SYNDIG1: variants seen among roughly 807,000 people sequenced by gnomAD.
The protein encoded by SYNDIG1 is synapse differentiation-inducing gene protein 1.
A neutral mutation model predicts 19.4 loss-of-function variants in SYNDIG1; 9 were observed. The ratio of observed to expected loss-of-function variants is 0.46; its 90% CI spans 0.28 to 0.81. The LOEUF (loss-of-function observed/expected upper bound fraction) is 0.81. Ranked by LOEUF, SYNDIG1 falls within the 30% of genes least tolerant of loss-of-function variation. SYNDIG1 has a pLI of 0.12. For synonymous variants in SYNDIG1, 141 were observed against 145.9 expected (o/e 0.97, Z 0.24); for missense variants, 311 against 343.3 (o/e 0.91, Z 0.74).
Position 24,658,594 on chromosome 20 carries a change from C to G in SYNDIG1, c.619-6752C>G, listed in dbSNP as rs75279311. Among the ~76,000 whole-genome samples the G allele has an allele frequency of 2.0e-5, 3 of 151,986 alleles. No individual in the cohort carries two copies. The highest frequency in any genetic ancestry group is 2.0e-4 in the Admixed American group (3 of 15,260). On this transcript the variant is annotated intron_variant, in intron 3 of 3. Coordinates refer to ENST00000376862, the MANE Select transcript of SYNDIG1 (RefSeq NM_024893.3). This position sits in a 1 kb window ranked among gnomAD's most constrained non-coding sequence, Gnocchi z 4.4. ...CATTATCTCCACCCTGACATCGAAC[C>G]GTGTGGAGTATGACCCCCCACCCCC...
intron 2 of SYNDIG1, among the ~76,000 whole-genome samples, chr20:24,571,964 G>C (rs559843659): frequency 6.6e-6 from 1 of 152,282 alleles, no homozygotes; most frequent in South Asian, 2.1e-4. Context: ...CCAGATCACT[G>C]TATCCAGAGA....
At chr20:24,577,938 T>C (rs1432231963) in intron 2 of SYNDIG1, among the ~76,000 whole-genome samples, 1 of 152,098 alleles carries the variant, frequency 6.6e-6, no homozygotes, top group Non-Finnish European at 1.5e-5. Flanking sequence ...CAAAGGAAGG[T>C]GGAGCTGCTG....
intron 3 of SYNDIG1, among the ~76,000 whole-genome samples, chr20:24,650,902 C>T (rs1166500523): frequency 6.6e-6 from 1 of 152,068 alleles, no homozygotes; most frequent in Non-Finnish European, 1.5e-5. Context: ...GTGGTGCGAT[C>T]TCGGCTCACT....
Position 24,666,596 on chromosome 20 carries a change from A to G in SYNDIG1, c.*1092A>G, listed in dbSNP as rs565369617. 1 of 152,636 alleles carries G rather than the reference A, an allele frequency of 6.6e-6. No homozygotes were observed. The highest frequency in any genetic ancestry group is 2.1e-4 in the South Asian group (1 of 4,826). 9.5% of individuals were successfully genotyped at this position (152,636 alleles called of 1,614,324 possible). On this transcript the variant is annotated 3_prime_UTR_variant, in exon 4 of 4. Coordinates refer to ENST00000376862, the MANE Select transcript of SYNDIG1 (RefSeq NM_024893.3). The stretch of plus-strand genomic sequence containing the variant: ...AAATTATCTTTTAGCTTTTTCGCTT[A>G]AGACTTTTCTTTCTGATGAATAGCT...
chr20:24,629,824 A>T (rs1316837100), intron 3 of SYNDIG1, among the ~76,000 whole-genome samples: 1 of 152,190 alleles, frequency 6.6e-6, no homozygotes, highest in Non-Finnish European at 1.5e-5. Flanking sequence ...GGTAGACCAG[A>T]GTGAGGAGCC....
intron 2 of SYNDIG1, among the ~76,000 whole-genome samples, chr20:24,569,779 C>A (rs2058110810): frequency 6.6e-6 from 1 of 152,142 alleles, no homozygotes. Context: ...GCAACTCACT[C>A]TGACATGGAT....
At chr20:24,575,515 G>A (rs76021656) in intron 2 of SYNDIG1, among the ~76,000 whole-genome samples, 3,082 of 152,290 alleles carry the variant, frequency 0.02, 56 homozygotes, top group Middle Eastern at 0.054. Flanking sequence ...AGCGTGGTGT[G>A]CACCTCATTT....
chr20:24,488,358 C>T (rs1216769532), intron 1 of SYNDIG1, among the ~76,000 whole-genome samples: 1 of 152,242 alleles, frequency 6.6e-6, no homozygotes, highest in African/African-American at 2.4e-5. Flanking sequence ...TGCACACATA[C>T]AAAGTGCTTC....
At chr20:24,650,139 C>T (rs1034289760) in intron 3 of SYNDIG1, among the ~76,000 whole-genome samples, 3 of 152,180 alleles carry the variant, frequency 2.0e-5, no homozygotes, top group Admixed American at 2.0e-4. Context: ...AAGCAAGTTC[C>T]ACTCTGTGAG....
chr20:24,660,228 T>C (rs2059570802), intron 3 of SYNDIG1, among the ~76,000 whole-genome samples: 1 of 152,242 alleles, frequency 6.6e-6, no homozygotes, highest in Non-Finnish European at 1.5e-5. Context: ...ATAATTCTTA[T>C]TGGGTATTTA....
chr20:24,571,107 C>T (rs1038811779), intron 2 of SYNDIG1, among the ~76,000 whole-genome samples: 1 of 151,928 alleles, frequency 6.6e-6, no homozygotes, highest in Non-Finnish European at 1.5e-5. Context: ...GCAGTGATTG[C>T]AAGGGGTTAA....
At chr20:24,563,401 A>G (rs1205843142) in intron 2 of SYNDIG1, among the ~76,000 whole-genome samples, 2 of 152,160 alleles carry the variant, frequency 1.3e-5, no homozygotes, top group East Asian at 1.9e-4. Context: ...CAGGAAACCA[A>G]CCATCAGCCC....
chr20:24,660,701 C>T (rs371329431), intron 3 of SYNDIG1, among the ~76,000 whole-genome samples: 5 of 152,376 alleles, frequency 3.3e-5, no homozygotes, highest in South Asian at 2.1e-4. Context: ...CTCAGGCCCA[C>T]GCTCACCTTC....
intron 1 of SYNDIG1, among the ~76,000 whole-genome samples, chr20:24,500,474 T>TTTTCTTTCTTTC (rs138037383): frequency 7.3e-5 from 10 of 136,250 alleles, no homozygotes; most frequent in East Asian, 2.2e-4. Flanking sequence ...AAGCAGATTC[T>TTTTCTTTCTTTC]TTTCTTTCTT....
chr20:24,578,749 T>C (rs2058273972), intron 2 of SYNDIG1, among the ~76,000 whole-genome samples: 1 of 152,214 alleles, frequency 6.6e-6, no homozygotes, highest in Non-Finnish European at 1.5e-5. Context: ...GGGAGCTCCC[T>C]GCAGGTGGAA....
At chr20:24,547,186 G>T (rs895018096) in intron 2 of SYNDIG1, among the ~76,000 whole-genome samples, 1 of 152,176 alleles carries the variant, frequency 6.6e-6, no homozygotes, top group African/African-American at 2.4e-5. Context: ...TCTGAGCGGG[G>T]CTCCCTTGCT....
intron 1 of SYNDIG1, among the ~76,000 whole-genome samples, chr20:24,509,686 G>C (rs1437301689): frequency 6.6e-6 from 1 of 152,118 alleles, no homozygotes; most frequent in Non-Finnish European, 1.5e-5. Context: ...TTGTACAAAG[G>C]CCTTAAGTTT....
chr20:24,618,044 C>G (rs1233100225), intron 3 of SYNDIG1, among the ~76,000 whole-genome samples: 3 of 136,248 alleles, frequency 2.2e-5, no homozygotes, highest in Non-Finnish European at 3.1e-5. Context: ...GTGGGGAGAG[C>G]CCGGGAAGCA....
At chr20:24,496,504 G>T (rs889982025) in intron 1 of SYNDIG1, among the ~76,000 whole-genome samples, 6 of 152,182 alleles carry the variant, frequency 3.9e-5, no homozygotes, top group African/African-American at 1.4e-4. Context: ...TTTCTATAGT[G>T]GAATAAATGT....
Sources: gnomAD v4.1 joint callset for allele counts (sites outside exome capture counted in the v4.1 genomes callset) on GRCh38, gnomAD v4.1.1 for gene constraint, Gnocchi (gnomAD v3.1) non-coding constraint, MANE v1.5 for transcripts, NCBI Gene and HGNC (gene_info 2026-07-23, HGNC 2026-07-21) for gene names.